The following CNTNAP5 variants were observed in gnomAD, a reference collection of about 807,000 sequenced individuals.
CNTNAP5 encodes the protein contactin associated protein family member 5, also known as contactin-associated protein-like 5.
A neutral mutation model predicts 150.2 loss-of-function variants in CNTNAP5; 72 were observed. The ratio of observed to expected loss-of-function variants is 0.48; its 90% confidence interval spans 0.40 to 0.58. The LOEUF (loss-of-function observed/expected upper bound fraction) is 0.58. CNTNAP5 is among the 20% of genes least tolerant of loss of function. The pLI is 0.00. For synonymous variants in CNTNAP5, 672 were observed against 619.8 expected (o/e 1.08, Z -1.25); for missense variants, 1,636 against 1,626.2 (o/e 1.01, Z -0.10).
intron 3 of CNTNAP5, among the ~76,000 whole-genome samples, chr2:124,341,629 G>A (rs554797626): frequency 7.9e-5 from 12 of 152,246 alleles, no homozygotes; most frequent in Non-Finnish European, 1.5e-4. Context: ...TCTTTAATAT[G>A]TGGCATTTCT....
chr2:124,565,703 C>A (rs1021949623), intron 11 of CNTNAP5, among the ~76,000 whole-genome samples: 1 of 149,200 alleles, frequency 6.7e-6, no homozygotes, highest in Non-Finnish European at 1.5e-5. Flanking sequence ...AGGTTCACGC[C>A]ATTCTCCTGC....
At chr2:124,552,883 T>A (rs1695659428) in intron 10 of CNTNAP5, among the ~76,000 whole-genome samples, 1 of 152,200 alleles carries the variant, frequency 6.6e-6, no homozygotes, top group Admixed American at 6.5e-5. Flanking sequence ...TTCGTTTTAA[T>A]GTCTCATGGC....
At chr2:124,103,837 A>G (rs1271986121) in intron 1 of CNTNAP5, among the ~76,000 whole-genome samples, 1 of 147,796 alleles carries the variant, frequency 6.8e-6, no homozygotes, top group Admixed American at 6.8e-5. Context: ...TTATTAAAAT[A>G]TAGTTAATAA....
chr2:124,381,381 A>G (rs1690791734), intron 3 of CNTNAP5, among the ~76,000 whole-genome samples: 1 of 152,148 alleles, frequency 6.6e-6, no homozygotes, highest in Admixed American at 6.5e-5. Context: ...GACACCAGTT[A>G]AGAAGTCATT....
intron 13 of CNTNAP5, among the ~76,000 whole-genome samples, chr2:124,688,863 A>G (rs140560960): frequency 6.6e-6 from 1 of 152,284 alleles, no homozygotes; most frequent in East Asian, 1.9e-4. Flanking sequence ...ACCTATTAAA[A>G]TGTATTATGA....
intron 1 of CNTNAP5, among the ~76,000 whole-genome samples, chr2:124,108,907 C>T (rs1195873441): frequency 6.6e-6 from 1 of 152,114 alleles, no homozygotes; most frequent in Admixed American, 6.5e-5. Flanking sequence ...GTCATTCATG[C>T]CCCTATCCTC....
At chr2:124,781,596 G>A (rs920483481) in intron 17 of CNTNAP5, among the ~76,000 whole-genome samples, 2 of 152,064 alleles carry the variant, frequency 1.3e-5, no homozygotes, top group South Asian at 2.1e-4. Context: ...GAGCCCAAAC[G>A]CCTCAGGGCC....
intron 12 of CNTNAP5, among the ~76,000 whole-genome samples, chr2:124,634,206 A>G (rs1677925081): frequency 6.6e-6 from 1 of 151,592 alleles, no homozygotes; most frequent in Non-Finnish European, 1.5e-5. Context: ...AAACCTTTAC[A>G]CTCTGCTTTC....
intron 19 of CNTNAP5, among the ~76,000 whole-genome samples, chr2:124,835,068 ATAAT>A: frequency 6.6e-6 from 1 of 152,234 alleles, no homozygotes; most frequent in Non-Finnish European, 1.5e-5. Flanking sequence ...AACAGGGATC[ATAAT>A]TAATAATGAC....
chr2:124,278,236 A>G (rs1023111527), intron 3 of CNTNAP5, among the ~76,000 whole-genome samples: 1 of 152,198 alleles, frequency 6.6e-6, no homozygotes, highest in African/African-American at 2.4e-5. Context: ...TAAGTTCATA[A>G]TAAGATATAA....
At chr2:124,183,134 T>C (rs1231442443) in intron 1 of CNTNAP5, among the ~76,000 whole-genome samples, 1 of 152,212 alleles carries the variant, frequency 6.6e-6, no homozygotes, top group Non-Finnish European at 1.5e-5. Flanking sequence ...ATTTAGATTC[T>C]TCTCTATGGA....
chr2:124,315,959 T>C (rs1443373570), intron 3 of CNTNAP5, among the ~76,000 whole-genome samples: 4 of 152,184 alleles, frequency 2.6e-5, no homozygotes, highest in Admixed American at 2.0e-4. Context: ...ATGTAAGTCC[T>C]GATATAACTA....
At chr2:124,565,574 C>CTTTTTTTTTTTTTTTTTTTTT (rs776732335) in intron 11 of CNTNAP5, among the ~76,000 whole-genome samples, 1 of 68,440 alleles carries the variant, frequency 1.5e-5, no homozygotes, top group African/African-American at 6.1e-5. Flanking sequence ...TACCTAGATC[C>CTTTTTTTTTTTTTTTTTTTTT]TTTTTTTTTT....
At chr2:124,487,920 A>G (rs973514019) in intron 7 of CNTNAP5, among the ~76,000 whole-genome samples, 1 of 152,144 alleles carries the variant, frequency 6.6e-6, no homozygotes, top group East Asian at 1.9e-4. Context: ...TGCACACTAC[A>G]GGAAGCAGTC....
intron 1 of CNTNAP5, among the ~76,000 whole-genome samples, chr2:124,161,193 T>C (rs1452556274): frequency 6.6e-6 from 1 of 152,126 alleles, no homozygotes. Flanking sequence ...AGTAGATGTT[T>C]CATTTATATT....
At chr2:124,590,238 C>T (rs954282465) in intron 11 of CNTNAP5, among the ~76,000 whole-genome samples, 5 of 152,094 alleles carry the variant, frequency 3.3e-5, no homozygotes, top group East Asian at 1.9e-4. Context: ...TAGCAGACAG[C>T]GAACTAAGAC....
At chr2:124,903,777 G>A (rs1056392824) in intron 22 of CNTNAP5, among the ~76,000 whole-genome samples, 7 of 152,126 alleles carry the variant, frequency 4.6e-5, no homozygotes, top group African/African-American at 1.7e-4. Context: ...ATTTGGGCCA[G>A]GTGTGGTGGC....
intron 13 of CNTNAP5, among the ~76,000 whole-genome samples, chr2:124,656,734 A>G (rs1047832923): frequency 1.3e-5 from 2 of 152,208 alleles, no homozygotes; most frequent in African/African-American, 4.8e-5. Context: ...CAACACTCAG[A>G]CACTACATAA....
chr2:124,749,217 T>C (rs541775350), intron 14 of CNTNAP5, among the ~76,000 whole-genome samples: 6 of 152,230 alleles, frequency 3.9e-5, no homozygotes, highest in South Asian at 2.1e-4. Context: ...TCCTTTGATT[T>C]ATAGGTTTAC....
Sources: gnomAD v4.1 joint callset for allele counts (sites outside exome capture counted in the v4.1 genomes callset) on GRCh38, gnomAD v4.1.1 for gene constraint, MANE v1.5 for transcripts, NCBI Gene and HGNC (gene_info 2026-07-23, HGNC 2026-07-21) for gene names.